The following PCDHGA3 variants were observed in gnomAD, a reference collection of about 807,000 sequenced individuals.
The protein encoded by PCDHGA3 is protocadherin gamma subfamily A, 3, also known as protocadherin gamma-A3.
A neutral mutation model predicts 58.5 loss-of-function variants in PCDHGA3; 40 were observed. That is an observed-to-expected ratio of 0.68 (90% CI 0.53 to 0.89). The LOEUF is 0.89. Ranked by LOEUF, PCDHGA3 falls within the 40% of genes least tolerant of loss-of-function variation. PCDHGA3 has a pLI of 0.00. For synonymous variants in PCDHGA3, 530 were observed against 525.7 expected, an observed-to-expected ratio of 1.01 and a Z score of -0.11; for missense variants, 1,223 against 1,195.9, an observed-to-expected ratio of 1.02 and a Z score of -0.33.
At chr5:141,378,359 C>G (rs1254608030) in intron 1 of PCDHGA3, 1 of 152,222 alleles carries the variant, frequency 6.6e-6, no homozygotes, top group Non-Finnish European at 1.5e-5. Context: ...CCCGTCTCTA[C>G]TAAAAATACA....
intron 1 of PCDHGA3, chr5:141,415,449 C>G: frequency 6.2e-7 from 1 of 1,614,182 alleles, no homozygotes; most frequent in Admixed American, 1.7e-5. Context: ...AGACCTATTC[C>G]CACGAGGTCT....
At chr5:141,374,100 G>C (rs767728339) in intron 1 of PCDHGA3, 7 of 1,564,992 alleles carry the variant, frequency 4.5e-6, no homozygotes, top group Non-Finnish European at 6.1e-6. Flanking sequence ...CCTCCGCAGA[G>C]GCATCCGCAG....
intron 1 of PCDHGA3, chr5:141,352,272 T>G (rs1437791684): frequency 6.2e-7 from 1 of 1,613,926 alleles, no homozygotes; most frequent in African/African-American, 1.3e-5. Flanking sequence ...TTGCCAGACC[T>G]CAGCGACCGC....
chr5:141,409,686 A>T, intron 1 of PCDHGA3: 3 of 1,613,350 alleles, frequency 1.9e-6, no homozygotes, highest in Non-Finnish European at 2.5e-6. Context: ...GTGGCGAGTG[A>T]CCTAGAGCCC....
chr5:141,414,227 T>C (rs771676386), intron 1 of PCDHGA3: 2 of 1,613,430 alleles, frequency 1.2e-6, no homozygotes, highest in Non-Finnish European at 1.7e-6. Flanking sequence ...AGTCCAGAGC[T>C]GACCATCACG....
At chr5:141,506,668 C>A (rs2099855518) in intron 3 of PCDHGA3, among the ~76,000 whole-genome samples, 1 of 152,100 alleles carries the variant, frequency 6.6e-6, no homozygotes, top group Admixed American at 6.6e-5. Context: ...AGTAAGGGCA[C>A]AATATATTAT....
At position 141,460,912 on chromosome 5, in the gene PCDHGA3, G is replaced by GTA. The variant is rs34683754; in HGVS notation, c.2425-33883_2425-33882dup. ...TCGTGGCTGAGTAATATTCCATGGT[G>GTA]TATATATATATATGTGTGTGTGTAT... On this transcript the variant is annotated intron_variant, in intron 1 of 3. Coordinates refer to ENST00000253812, the MANE Select transcript of PCDHGA3 (RefSeq NM_018916.4). Among the ~76,000 whole-genome samples, 731 of 149,318 alleles carry GTA rather than the reference G, an allele frequency of 4.9e-3. 9 individuals carry two copies. Among genetic ancestry groups the GTA allele is most frequent in the African/African-American group, 0.016 (631 of 40,624 alleles).
chr5:141,508,829 C>G (rs370074494), intron 3 of PCDHGA3, among the ~76,000 whole-genome samples: 10 of 152,240 alleles, frequency 6.6e-5, no homozygotes, highest in Middle Eastern at 3.4e-3. Context: ...TCTGGGCCCC[C>G]CTCCCCTACC....
chr5:141,468,763 G>A (rs1341363934), intron 1 of PCDHGA3, among the ~76,000 whole-genome samples: 1 of 152,078 alleles, frequency 6.6e-6, no homozygotes, highest in Non-Finnish European at 1.5e-5. Flanking sequence ...CTACTCGGGA[G>A]GCTGAGGCAG....
rs1271293217 is a variant in PCDHGA3, at chr5:141,374,804, A to G, written c.2424+28347A>G. On this transcript the variant is annotated intron_variant, in intron 1 of 3. Transcript: ENST00000253812. ...TCTAGATGTGAATGACAACACTCCA[A>G]TGTTTACTCAGCCTGTCTACCGTGT... The G allele has an allele frequency of 6.8e-6, 11 of 1,613,854 alleles. No individual in the cohort carries two copies. In the East Asian group the frequency reaches 1.6e-4, roughly 23 times the overall value.
chr5:141,489,268 G>C lies in PCDHGA3; in HGVS notation c.2425-5539G>C. 6.4e-7 allele frequency: 1 copy of C among 1,553,286 alleles called. No individual in the cohort carries two copies. The highest frequency in any genetic ancestry group is 8.7e-7 in the Non-Finnish European group (1 of 1,149,780). ...GGGGCCCAAGACACTCCCACAGCTC[G>C]CTGGGAAATGGCAAGTGCTGTGCAT... On this transcript the variant is annotated intron_variant, in intron 1 of 3. Transcript: ENST00000253812. The surrounding 1 kb of genome is among the most constrained non-coding windows in gnomAD (Gnocchi z 4.5).
intron 1 of PCDHGA3, chr5:141,390,095 T>TC: frequency 6.2e-7 from 1 of 1,613,972 alleles, no homozygotes; most frequent in South Asian, 1.1e-5. Flanking sequence ...AATCCGTGGT[T>TC]CCCCCCAACT....
chr5:141,448,705 C>T (rs2098601893), intron 1 of PCDHGA3, among the ~76,000 whole-genome samples: 1 of 152,100 alleles, frequency 6.6e-6, no homozygotes, highest in Non-Finnish European at 1.5e-5. Context: ...CTTTGGGAGG[C>T]CGAGGCGGGA....
rs543179504 is a variant in PCDHGA3, at chr5:141,381,358, A to G, written c.2424+34901A>G. ...AGCTTTCTTTTCTTTCTGCTAGCAG[A>G]GGGTAGCCTCGGATCCATCAATAAT... is the stretch of plus-strand genomic sequence containing the variant. On this transcript the variant is annotated intron_variant, in intron 1 of 3. Coordinates refer to ENST00000253812, the MANE Select transcript of PCDHGA3 (RefSeq NM_018916.4). Among the ~76,000 whole-genome samples the G allele has an allele frequency of 4.6e-5, 7 of 152,330 alleles. No individual in the cohort carries two copies. In the South Asian group the frequency reaches 1.4e-3, roughly 32 times the overall value.
chr5:141,394,907 T>C (rs1477088272), intron 1 of PCDHGA3: 2 of 1,613,640 alleles, frequency 1.2e-6, no homozygotes, highest in Non-Finnish European at 1.7e-6. Context: ...TGGCAGTGGC[T>C]GCCATCTCCT....
chr5:141,432,452 C>G lies in PCDHGA3; in HGVS notation c.2425-62355C>G. The G allele has an allele frequency of 6.2e-7, 1 of 1,614,212 alleles. No individual in the cohort carries two copies. The highest frequency in any genetic ancestry group is 8.5e-7 in the Non-Finnish European group (1 of 1,180,042). On this transcript the variant is annotated intron_variant, in intron 1 of 3. Coordinates refer to ENST00000253812, the MANE Select transcript of PCDHGA3 (RefSeq NM_018916.4). The surrounding 1 kb of genome is among the most constrained non-coding windows in gnomAD (Gnocchi z 6.0). ...CGACAATGCGCCCGAGATCCTGTACCCCGCCCTCCCCACGGACGGTTCCAC... is the reference window on the plus strand; with the variant it reads ...CGACAATGCGCCCGAGATCCTGTACGCCGCCCTCCCCACGGACGGTTCCAC...
intron 1 of PCDHGA3, chr5:141,417,622 G>T (rs1036510827): frequency 1.5e-6 from 1 of 668,534 alleles, no homozygotes; most frequent in Non-Finnish European, 2.4e-6. Flanking sequence ...TGCAGAGCAA[G>T]CGCTGACGCC....
chr5:141,423,139 G>A (rs2096713828), intron 1 of PCDHGA3: 2 of 1,613,616 alleles, frequency 1.2e-6, no homozygotes, highest in Middle Eastern at 1.7e-4. Flanking sequence ...GGACAGAGAC[G>A]CGCTCAAGCA....
chr5:141,401,345 A>G (rs1233985725), intron 1 of PCDHGA3, among the ~76,000 whole-genome samples: 4 of 152,216 alleles, frequency 2.6e-5, no homozygotes, highest in Non-Finnish European at 4.4e-5. Context: ...TCCATCTCAA[A>G]AAAAAGGAAG....
Sources: gnomAD v4.1 joint callset for allele counts (sites outside exome capture counted in the v4.1 genomes callset) on GRCh38, gnomAD v4.1.1 for gene constraint, Gnocchi (gnomAD v3.1) non-coding constraint, MANE v1.5 for transcripts, NCBI Gene and HGNC (gene_info 2026-07-23, HGNC 2026-07-21) for gene names.